Variants in ME3 observed in about 807,000 individuals in gnomAD.
The protein encoded by ME3 is NADP-dependent malic enzyme, mitochondrial.
ME3 carries 48 observed loss-of-function variants against 68.9 expected under a neutral mutation model. That is an observed-to-expected ratio of 0.70 (90% confidence interval 0.55 to 0.89). ME3 has a LOEUF of 0.89. Among genes scored for constraint, ME3 ranks in the 40% least tolerant of loss-of-function variants. The probability of loss-of-function intolerance (pLI) is 0.00; values close to 1 mark genes in which losing one functional copy is unlikely to be tolerated. For missense variants in ME3, 675 were observed against 797.4 expected, an observed-to-expected ratio of 0.85 and a Z score of 1.85; for synonymous variants, 320 against 318.8, an observed-to-expected ratio of 1.00 and a Z score of -0.04.
intron 2 of ME3, among the ~76,000 whole-genome samples, chr11:86,669,659 G>T (rs115067114): frequency 2.6e-5 from 4 of 152,274 alleles, no homozygotes; most frequent in East Asian, 1.9e-4. Flanking sequence ...TCCACAACAC[G>T]TGGGGATTAT....
chr11:86,603,630 A>G (rs1244637293), intron 2 of ME3, among the ~76,000 whole-genome samples: 1 of 152,166 alleles, frequency 6.6e-6, no homozygotes, highest in African/African-American at 2.4e-5. Flanking sequence ...ATGCTGCTAT[A>G]AAGACACATG....
rs191181824 is a variant in ME3 at position 86,448,620 on chromosome 11, G to T, written c.1132-365C>A. Among the ~76,000 whole-genome samples, 45 of 152,288 alleles carry T rather than the reference G, an allele frequency of 3.0e-4. No individual in the cohort carries two copies. The East Asian group carries it at 4.8e-3, about 16-fold the overall frequency. On this transcript the variant is annotated intron_variant, in intron 10 of 14. Coordinates refer to ENST00000543262, the Ensembl canonical transcript of ME3. ...CCCAAGGCATCCAGCACCAAGCTCA[G>T]TTGAGGGATGGGGACCTGTGCCACC...
chr11:86,581,870 T>C lies in ME3; in HGVS notation c.184-22047A>G, dbSNP rs139255484. ...TTTTCTATCTCCTGAATAGTTCTAATTTCCTCCTCTGTTATCCATCCTCCT... is the reference window on the plus strand; with the variant it reads ...TTTTCTATCTCCTGAATAGTTCTAACTTCCTCCTCTGTTATCCATCCTCCT... On this transcript the variant is annotated intron_variant, in intron 2 of 14. Coordinates refer to ENST00000543262, the Ensembl canonical transcript of ME3. Among the ~76,000 whole-genome samples the C allele has an allele frequency of 1.3e-4, 20 of 152,336 alleles. No individual in the cohort carries two copies. The East Asian group carries it at 3.3e-3, about 25-fold the overall frequency.
chr11:86,597,116 G>A (rs186963771), intron 2 of ME3, among the ~76,000 whole-genome samples: 13 of 152,330 alleles, frequency 8.5e-5, no homozygotes, highest in South Asian at 2.1e-4. Context: ...GTAATAACAG[G>A]TAACAGGGTC....
chr11:86,609,036 C>A (rs542923724), intron 2 of ME3, among the ~76,000 whole-genome samples: 1 of 152,160 alleles, frequency 6.6e-6, no homozygotes, highest in African/African-American at 2.4e-5. Context: ...TTCATAAATC[C>A]CTTTTAGATA....
At chr11:86,604,449 A>G (rs1404631526) in intron 2 of ME3, among the ~76,000 whole-genome samples, 5 of 152,206 alleles carry the variant, frequency 3.3e-5, no homozygotes, top group Non-Finnish European at 7.3e-5. Context: ...CTTACAAGAA[A>G]AAAAAGAACA....
chr11:86,656,972 A>C (rs1355846513), intron 2 of ME3, among the ~76,000 whole-genome samples: 2 of 152,136 alleles, frequency 1.3e-5, no homozygotes, highest in Non-Finnish European at 2.9e-5. Flanking sequence ...GAAACAACAG[A>C]TGCTGGAGAG....
intron 2 of ME3, among the ~76,000 whole-genome samples, chr11:86,563,004 T>C (rs577000315): frequency 3.2e-4 from 48 of 152,306 alleles, no homozygotes; most frequent in African/African-American, 1.1e-3. Context: ...ATGACTTCAT[T>C]CTTTTTTAAG....
At chr11:86,626,439 G>A (rs753556641) in intron 2 of ME3, among the ~76,000 whole-genome samples, 3 of 152,146 alleles carry the variant, frequency 2.0e-5, no homozygotes, top group Admixed American at 6.5e-5. Context: ...CAGCCTCATT[G>A]CACCCCGTCT....
chr11:86,447,874 AAGAC>A (rs1252306786), intron 11 of ME3, among the ~76,000 whole-genome samples: 5 of 138,574 alleles, frequency 3.6e-5, no homozygotes, highest in African/African-American at 5.0e-5. Flanking sequence ...AAAAAAAAAA[AAGAC>A]AGAGAGAAAG....
intron 2 of ME3, among the ~76,000 whole-genome samples, chr11:86,612,066 C>T (rs1942622373): frequency 6.6e-6 from 1 of 152,062 alleles, no homozygotes; most frequent in African/African-American, 2.4e-5. Flanking sequence ...CCTTCCCTTG[C>T]CCCCCAACCC....
At chr11:86,442,985 C>G in intron 13 of ME3, 66 bp from the exon 14 acceptor site, 2 of 1,329,936 alleles carry the variant, frequency 1.5e-6, no homozygotes, top group African/African-American at 1.4e-5. Flanking sequence ...AAGCCCAACC[C>G]GTTACCCCAG....
the ME3 span, chr11:86,435,869 C>G: frequency 6.6e-6 from 1 of 152,242 alleles, no homozygotes; most frequent in African/African-American, 2.4e-5. Flanking sequence ...TTGAATCAAC[C>G]AGTCATTGCC....
intron 2 of ME3, among the ~76,000 whole-genome samples, chr11:86,596,918 A>G (rs966326534): frequency 1.3e-5 from 2 of 152,194 alleles, no homozygotes; most frequent in Non-Finnish European, 2.9e-5. Flanking sequence ...ACCAAAGTGG[A>G]CCAGGTTGTG....
chr11:86,617,520 G>A (rs1467187046), intron 2 of ME3, among the ~76,000 whole-genome samples: 4 of 152,126 alleles, frequency 2.6e-5, no homozygotes, highest in Admixed American at 1.3e-4. Flanking sequence ...GGTGTACTGA[G>A]AAGATTCAAG....
chr11:86,515,518 T>G (rs679382), intron 4 of ME3, among the ~76,000 whole-genome samples: 2 of 152,010 alleles, frequency 1.3e-5, no homozygotes, highest in Admixed American at 1.3e-4. Flanking sequence ...AATGGGGACA[T>G]TGGTTTCTCC....
At position 86,638,897 on chromosome 11, in the gene ME3, C is replaced by T. The variant is rs550657586; in HGVS notation, c.183+32865G>A. 3.3e-5 allele frequency among the ~76,000 whole-genome samples: 5 copies of T among 152,296 alleles called. No individual in the cohort carries two copies. In the East Asian group the frequency reaches 9.7e-4, roughly 29 times the overall value. ...ACTTTACTCCCCCGACTTGCCTCCTCATCAAAATGTGAACCACTGTACTTC... is the reference window on the plus strand; with the variant it reads ...ACTTTACTCCCCCGACTTGCCTCCTTATCAAAATGTGAACCACTGTACTTC... On this transcript the variant is annotated intron_variant, in intron 2 of 14. Coordinates refer to ENST00000543262, the Ensembl canonical transcript of ME3.
chr11:86,473,020 C>T (rs943985480), intron 7 of ME3, among the ~76,000 whole-genome samples: 1 of 152,236 alleles, frequency 6.6e-6, no homozygotes, highest in Non-Finnish European at 1.5e-5. Flanking sequence ...GGGGAACAGG[C>T]AGCTCAGGGC....
intron 8 of ME3, among the ~76,000 whole-genome samples, chr11:86,460,157 C>T (rs1041937847): frequency 3.3e-5 from 5 of 152,234 alleles, no homozygotes; most frequent in African/African-American, 4.8e-5. Context: ...GAGCCTCTGC[C>T]TTTTCCAAAA....
Sources: gnomAD v4.1 joint callset for allele counts (sites outside exome capture counted in the v4.1 genomes callset) on GRCh38, gnomAD v4.1.1 for gene constraint, MANE v1.5 for transcripts, NCBI Gene and HGNC (gene_info 2026-07-23, HGNC 2026-07-21) for gene names.